Variants in RGN observed in about 807,000 individuals in gnomAD.
The protein encoded by RGN is regucalcin, also known as epididymis secretory protein Li 41.
RGN carries 19 observed loss-of-function variants against 20.6 expected under a neutral mutation model. The observed-to-expected ratio is 0.92, with a 90% CI of 0.64 to 1.35. RGN has a LOEUF of 1.35. RGN is among the 40% of genes most tolerant of loss of function. The pLI is 0.00. For missense variants in RGN, 302 were observed against 232.7 expected, an observed-to-expected ratio of 1.30 and a Z score of -1.94; for synonymous variants, 85 against 87.2, an observed-to-expected ratio of 0.97 and a Z score of 0.14.
chrX:47,087,004 C>T (rs1459888540), intron 4 of RGN, among the ~76,000 whole-genome samples: 1 of 110,747 alleles, frequency 9.0e-6, no homozygotes, highest in Non-Finnish European at 1.9e-5. Context: ...ACACAAATAT[C>T]CTGGTCCTCA....
chrX:47,081,537 TTTTG>T (rs1215864097), intron 3 of RGN, among the ~76,000 whole-genome samples: 10 of 105,194 alleles, frequency 9.5e-5, no homozygotes, highest in African/African-American at 3.1e-4. Flanking sequence ...GGGGGGGTGT[TTTTG>T]TTTATTTTTT....
intron 3 of RGN, 133 bp from the exon 4 acceptor site, chrX:47,084,285 C>A: frequency 2.1e-6 from 1 of 478,550 alleles, no homozygotes; most frequent in Non-Finnish European, 3.4e-6. Flanking sequence ...CCCTACTCAA[C>A]AGAAGGAAGA....
Position 47,089,840 on chromosome X carries a change from C to T in RGN, c.411C>T (p.Leu137=). The T allele has an allele frequency of 8.3e-7, 1 of 1,209,225 alleles. No individual in the cohort carries two copies. The highest frequency in any genetic ancestry group is 1.1e-6 in the Non-Finnish European group (1 of 894,829). ...GGCACCAGGGGGCCCTGTACTCCCT[C>T]TTTCCTGATCACCACGTGAAAAAGT... is the stretch of plus-strand genomic sequence containing the variant. The part of the protein sequence containing the change: ...LERHQGALYS[L]FPDHHVKKYF... Residue 137 remains leucine (L), a synonymous_variant, in exon 5 of 8, where the codon CTC becomes CTT. Transcript: ENST00000397180.
At chrX:47,084,326 C>A (rs1175115142) in intron 3 of RGN, 92 bp from the exon 4 acceptor site, 14 of 787,497 alleles carry the variant, frequency 1.8e-5, no homozygotes, top group Non-Finnish European at 2.3e-5. Flanking sequence ...GAGCTGGGCT[C>A]CCGCTCTAAG....
chrX:47,083,151 C>T (rs1317855865), intron 3 of RGN, among the ~76,000 whole-genome samples: 2 of 111,485 alleles, frequency 1.8e-5, no homozygotes, highest in Non-Finnish European at 3.8e-5. Flanking sequence ...GTAATCTCAA[C>T]ACTTTTGGGA....
At chrX:47,085,245 G>A (rs1013433602) in intron 4 of RGN, among the ~76,000 whole-genome samples, 4 of 111,768 alleles carry the variant, frequency 3.6e-5, no homozygotes, top group Non-Finnish European at 7.5e-5. Flanking sequence ...CAGGCCAGGC[G>A]TGGTGGCTCA....
At chrX:47,090,947 A>AGAAG (rs1569540748) in intron 5 of RGN, among the ~76,000 whole-genome samples, 2 of 31,473 alleles carry the variant, frequency 6.4e-5, no homozygotes, top group African/African-American at 1.6e-4. Context: ...AAAGAAAGAA[A>AGAAG]GAAAGAAAGA....
intron 5 of RGN, among the ~76,000 whole-genome samples, chrX:47,090,748 T>C (rs1358663932): frequency 9.3e-6 from 1 of 107,486 alleles, no homozygotes; most frequent in Non-Finnish European, 1.9e-5. Context: ...TTGAAATATG[T>C]AGTGCTCGGG....
rs782650800 is a variant in RGN at position 47,089,887 on chromosome X, C to A, written c.458C>A (p.Ser153Tyr). Reference sequence around the variant, plus strand: ...AAGTACTTTGACCAGGTGGACATTTCCAATGGTTTGGATTGGTCGCTAGAC... The same window carrying A: ...AAGTACTTTGACCAGGTGGACATTTACAATGGTTTGGATTGGTCGCTAGAC... ...VKKYFDQVDI[S>Y]NGLDWSLDHK... The change falls in exon 5 of 8, where the codon TCC becomes TAC. Residue 153 changes from serine (S) to tyrosine (Y), a missense_variant. Transcript: ENST00000397180. 45 of 1,206,063 alleles carry A rather than the reference C, an allele frequency of 3.7e-5. No homozygotes were observed. Among genetic ancestry groups the A allele is most frequent in the Non-Finnish European group, 5.6e-6 (5 of 893,480 alleles).
At chrX:47,082,588 C>G (rs1030542621) in intron 3 of RGN, among the ~76,000 whole-genome samples, 28 of 111,441 alleles carry the variant, frequency 2.5e-4, no homozygotes, top group African/African-American at 8.8e-4. Flanking sequence ...GCTGAGATTA[C>G]AGGTGTGGGC....
chrX:47,092,068 A>C lies in RGN; in HGVS notation c.702A>C (p.Arg234Ser), dbSNP rs2147029767. 9.1e-6 allele frequency: 11 copies of C among 1,206,778 alleles called. No homozygotes were observed. The highest frequency in any genetic ancestry group is 1.2e-5 in the Non-Finnish European group (11 of 891,797). ...AAATATTTGGTGGTCTAGGGAAAAG[A>C]CTTCAAACTGTGAAGTTGCCTGTTG... is the stretch of plus-strand genomic sequence containing the variant. ...VIRLDPVTGK[R>S]LQTVKLPVDK... The change falls in exon 7 of 8, where the codon AGA (arginine) becomes AGC (serine). Residue 234 changes from arginine (R) to serine (S), a missense_variant. Transcript: ENST00000397180.
intron 4 of RGN, among the ~76,000 whole-genome samples, chrX:47,085,875 A>C (rs1202051105): frequency 8.9e-6 from 1 of 111,932 alleles, no homozygotes; most frequent in Non-Finnish European, 1.9e-5. Context: ...GAAAGACGAC[A>C]TATTCTTACA....
intron 5 of RGN, among the ~76,000 whole-genome samples, chrX:47,091,389 C>CAGT (rs1174087693): frequency 8.9e-6 from 1 of 111,795 alleles, no homozygotes; most frequent in Non-Finnish European, 1.9e-5. Flanking sequence ...TGCAGGGCCC[C>CAGT]AGTTCAGGTC....
chrX:47,090,951 A>G (rs1479931740), intron 5 of RGN, among the ~76,000 whole-genome samples: 34 of 51,233 alleles, frequency 6.6e-4, no homozygotes, highest in African/African-American at 1.6e-3. Flanking sequence ...AAAGAAAGAA[A>G]GAAAGAAAGA....
chrX:47,092,232 T>C lies in RGN; in HGVS notation c.849+17T>C. 1 of 1,155,515 alleles carries C rather than the reference T, an allele frequency of 8.7e-7. No homozygotes were observed. ...ATTTTCAAGGTGATATGGCTATTTC[T>C]TTTATTTTGGGGGTGGGGGATCCCA... On this transcript the variant is annotated intron_variant, in intron 7 of 7. Coordinates refer to ENST00000397180, the MANE Select transcript of RGN (RefSeq NM_152869.4).
Position 47,089,795 on chromosome X carries a change from A to G in RGN, c.366A>G (p.Thr122=). The G allele has an allele frequency of 8.3e-7, 1 of 1,205,169 alleles. No individual in the cohort carries two copies. Among genetic ancestry groups the G allele is most frequent in the Non-Finnish European group, 1.1e-6 (1 of 892,758 alleles). The stretch of plus-strand genomic sequence containing the variant: ...TTGTAGGCACCATGGCTGAGGAAAC[A>G]GCTCCAGCAGTTCTTGAGCGGCACC... ...RYFAGTMAEE[T]APAVLERHQG... Residue 122 remains threonine (T), a synonymous_variant, in exon 5 of 8, where the codon ACA becomes ACG. Transcript: ENST00000397180.
Position 47,092,078 on chromosome X carries a change from G to T in RGN, c.712G>T (p.Val238Leu). 8.3e-7 allele frequency: 1 copy of T among 1,206,995 alleles called. No homozygotes were observed. The highest frequency in any genetic ancestry group is 2.2e-5 in the Admixed American group (1 of 45,710). Residue 238 changes from valine (V) to leucine (L), a missense_variant, in exon 7 of 8, where the codon GTG (valine) becomes TTG (leucine). By Grantham distance (32) the Val-to-Leu change is conservative. Coordinates refer to ENST00000397180, the MANE Select transcript of RGN (RefSeq NM_152869.4). ...DPVTGKRLQT[V>L]KLPVDKTTSC... ...TGGTCTAGGGAAAAGACTTCAAACT[G>T]TGAAGTTGCCTGTTGATAAAACAAC...
chrX:47,089,738 G>A, intron 4 of RGN, 38 bp from the exon 5 acceptor site: 1 of 1,080,812 alleles, frequency 9.3e-7, no homozygotes, highest in Non-Finnish European at 1.3e-6. Context: ...GGGGTAAGAT[G>A]CTATGGGGCA....
chrX:47,092,865 C>T (rs1362295851), intron 7 of RGN, 32 bp from the exon 8 acceptor site: 9 of 1,154,021 alleles, frequency 7.8e-6, no homozygotes, highest in Non-Finnish European at 9.5e-6. Flanking sequence ...AATTACCTTT[C>T]ACCTGAGATT....
Sources: allele counts gnomAD v4.1 joint callset (sites outside exome capture counted in the v4.1 genomes callset), GRCh38; gene constraint gnomAD v4.1.1; transcripts MANE v1.5; gene names NCBI Gene and HGNC (gene_info 2026-07-23, HGNC 2026-07-21).